EEF2K: variants seen among roughly 807,000 people sequenced by gnomAD.
EEF2K encodes eukaryotic elongation factor 2 kinase, also known as alternative protein EEF2K.
In EEF2K, 70 loss-of-function variants were observed where a neutral mutation model predicts 93.8. The observed-to-expected ratio is 0.75, with a 90% CI of 0.62 to 0.91. The LOEUF is 0.91. EEF2K is among the 40% of genes least tolerant of loss of function. The probability of loss-of-function intolerance (pLI) is 0.00; values close to 1 mark genes in which losing one functional copy is unlikely to be tolerated. For missense variants in EEF2K, 935 were observed against 972.9 expected, an observed-to-expected ratio of 0.96 and a Z score of 0.52; for synonymous variants, 376 against 380.8, an observed-to-expected ratio of 0.99 and a Z score of 0.15.
At chr16:22,211,073 A>G (rs528608704) in intron 1 of EEF2K, among the ~76,000 whole-genome samples, 1 of 152,304 alleles carries the variant, frequency 6.6e-6, no homozygotes, top group Admixed American at 6.5e-5. Context: ...GATGCTGGGA[A>G]ATGTCCGTGG....
Position 22,250,686 on chromosome 16 carries a change from C to G in EEF2K, c.441C>G (p.Phe147Leu), listed in dbSNP as rs1598186863. Residue 147 changes from phenylalanine (F) to leucine (L), a missense_variant, in exon 5 of 18, where the codon TTC becomes TTG. Physicochemically the swap from Phe to Leu is conservative, Grantham distance 22. Coordinates refer to ENST00000263026, the MANE Select transcript of EEF2K (RefSeq NM_013302.5). ...GCCGAGGAGCAATGAGGGAGTGCTT[C>G]CGGACGTAAGTGACTCAGCCTGGCT... ...PFGRGAMREC[F>L]RTKKLSNFLH... 4 of 1,614,192 alleles carry G rather than the reference C, an allele frequency of 2.5e-6. No homozygotes were observed. The East Asian group carries it at 8.9e-5, about 36-fold the overall frequency.
In EEF2K at chr16:22,266,784, G is replaced by A. The variant is rs1233232544; in HGVS notation, c.1672G>A (p.Ala558Thr). Residue 558 changes from alanine to threonine, a missense_variant, in exon 15 of 18, where the codon GCA becomes ACA. By Grantham distance (58) the Ala-to-Thr change is moderately conservative. Transcript: ENST00000263026. ...QESAVFHLEH[A>T]ANLGELEAIV... The stretch of plus-strand genomic sequence containing the variant: ...GTCGGCTGTCTTCCACCTGGAGCAC[G>A]CAGCCAACCTGGGCGAGCTGGAGGC... 4 of 1,614,110 alleles carry A rather than the reference G, an allele frequency of 2.5e-6. No homozygotes were observed. The highest frequency in any genetic ancestry group is 2.2e-5 in the East Asian group (1 of 44,898).
chr16:22,245,817 C>T (rs1469539999), intron 3 of EEF2K, among the ~76,000 whole-genome samples: 1 of 152,156 alleles, frequency 6.6e-6, no homozygotes, highest in South Asian at 2.1e-4. Context: ...TGTACCCTTA[C>T]AACACAGAAT....
In EEF2K at chr16:22,217,356, C is replaced by T. The variant is rs564161596; in HGVS notation, c.-76-8298C>T. ...GTTGTTCACTAGAGTTGAGCAGTAC[C>T]CCACCTATATGATCATATACAGTGG... is the stretch of plus-strand genomic sequence containing the variant. On this transcript the variant is annotated intron_variant, in intron 1 of 17. Coordinates refer to ENST00000263026, the MANE Select transcript of EEF2K (RefSeq NM_013302.5). 7.9e-5 allele frequency among the ~76,000 whole-genome samples: 12 copies of T among 151,782 alleles called. No individual in the cohort carries two copies. The South Asian group carries it at 1.3e-3, about 16-fold the overall frequency.
At chr16:22,216,258 G>A (rs1476987400) in intron 1 of EEF2K, among the ~76,000 whole-genome samples, 22 of 152,188 alleles carry the variant, frequency 1.4e-4, no homozygotes, top group Admixed American at 7.9e-4. Flanking sequence ...ACAGCCTAGC[G>A]CTGTGTAGTT....
Position 22,251,172 on chromosome 16 carries a change from G to T in EEF2K, c.468G>T (p.Leu156Phe). The change falls in exon 6 of 18, where the codon TTG (leucine) becomes TTT (phenylalanine). Residue 156 changes from leucine (L) to phenylalanine (F), a missense_variant. Leu to Phe is a conservative substitution (Grantham distance 22, BLOSUM62 0). Coordinates refer to ENST00000263026, the MANE Select transcript of EEF2K (RefSeq NM_013302.5). ...ACAGGAAGAAGCTCTCCAACTTCTT[G>T]CATGCCCAGCAGTGGAAGGGCGCCT... Reference protein sequence around the residue: ...CFRTKKLSNFLHAQQWKGASN... With the variant: ...CFRTKKLSNFFHAQQWKGASN... 1 of 1,613,988 alleles carries T rather than the reference G, an allele frequency of 6.2e-7. No individual in the cohort carries two copies. Among genetic ancestry groups the T allele is most frequent in the African/African-American group, 1.3e-5 (1 of 75,038 alleles).
At chr16:22,279,986 ACT>A (rs1334858104) in intron 16 of EEF2K, among the ~76,000 whole-genome samples, 2 of 152,102 alleles carry the variant, frequency 1.3e-5, no homozygotes, top group South Asian at 2.1e-4. Context: ...ACAGAGCAAG[ACT>A]CTGTCTCAAA....
In EEF2K at chr16:22,258,359, A is replaced by G. The variant is rs569348602; in HGVS notation, c.1030-135A>G. On this transcript the variant is annotated intron_variant, in intron 9 of 17. Transcript: ENST00000263026. ...GACTGATTTTTTATTTTTTAAGACA[A>G]TATATCAGCTCCTAAACAGGCATGT... 1,694 of 893,648 alleles carry G rather than the reference A, an allele frequency of 1.9e-3. 4 individuals are homozygous for G. The highest frequency in any genetic ancestry group is 2.6e-3 in the Non-Finnish European group (1,565 of 592,810). 55.4% of individuals were successfully genotyped at this position (893,648 alleles called of 1,614,324 possible).
At chr16:22,224,997 G>T (rs947404390) in intron 1 of EEF2K, among the ~76,000 whole-genome samples, 6 of 152,072 alleles carry the variant, frequency 3.9e-5, no homozygotes, top group African/African-American at 1.4e-4. Flanking sequence ...GGAACGGGGT[G>T]ATATGCAAGG....
chr16:22,269,055 T>C (rs2047552296), intron 15 of EEF2K, among the ~76,000 whole-genome samples: 1 of 152,192 alleles, frequency 6.6e-6, no homozygotes. Flanking sequence ...GTTACTTATA[T>C]GTAATTCCAG....
At chr16:22,231,522 A>G (rs2047115076) in intron 2 of EEF2K, among the ~76,000 whole-genome samples, 1 of 152,170 alleles carries the variant, frequency 6.6e-6, no homozygotes. Flanking sequence ...AGTTCTCTCT[A>G]TGGGAGAGGT....
intron 1 of EEF2K, among the ~76,000 whole-genome samples, chr16:22,206,985 C>G (rs1229716542): frequency 6.6e-6 from 1 of 152,154 alleles, no homozygotes; most frequent in Non-Finnish European, 1.5e-5. Flanking sequence ...GGCCTCCCCC[C>G]TCGGGGCCCC....
chr16:22,217,314 C>T (rs2046967812), intron 1 of EEF2K, among the ~76,000 whole-genome samples: 2 of 151,818 alleles, frequency 1.3e-5, no homozygotes, highest in Admixed American at 6.6e-5. Context: ...TAGGGCTGCC[C>T]GTGCAAAGTT....
At chr16:22,235,798 A>G (rs2047162188) in intron 2 of EEF2K, among the ~76,000 whole-genome samples, 1 of 148,778 alleles carries the variant, frequency 6.7e-6, no homozygotes, top group Non-Finnish European at 1.5e-5. Context: ...GCGTCTGGCC[A>G]GTTTGTTTGT....
intron 15 of EEF2K, among the ~76,000 whole-genome samples, chr16:22,269,749 C>T (rs2047558279): frequency 6.6e-6 from 1 of 152,116 alleles, no homozygotes; most frequent in Non-Finnish European, 1.5e-5. Context: ...AATCAGATCA[C>T]ATTCTGCATG....
chr16:22,215,665 C>G (rs1354765002), intron 1 of EEF2K, among the ~76,000 whole-genome samples: 6 of 152,180 alleles, frequency 3.9e-5, no homozygotes, highest in Non-Finnish European at 8.8e-5. Flanking sequence ...TGACTCACAC[C>G]TATAATCCCA....
In EEF2K at chr16:22,284,724, C is replaced by G. The variant is rs1022934573; in HGVS notation, c.*728C>G. 1 of 151,910 alleles carries G rather than the reference C, an allele frequency of 6.6e-6. No homozygotes were observed. The highest frequency in any genetic ancestry group is 6.6e-5 in the Admixed American group (1 of 15,234). The allele number at this position is 151,910 out of a possible 1,614,324, so 9.4% of individuals were successfully genotyped here. ...GGACTGAAATGTCGGGCCCATGGAGCCCTGTGTTTTGTGCATCGGGATGAG... is the reference window on the plus strand; with the variant it reads ...GGACTGAAATGTCGGGCCCATGGAGGCCTGTGTTTTGTGCATCGGGATGAG... On this transcript the variant is annotated 3_prime_UTR_variant, in exon 18 of 18. Coordinates refer to ENST00000263026, the MANE Select transcript of EEF2K (RefSeq NM_013302.5).
At position 22,277,191 on chromosome 16, in the gene EEF2K, C is replaced by T. The variant is rs115435244; in HGVS notation, c.1890-3007C>T. On this transcript the variant is annotated intron_variant, in intron 16 of 17. Coordinates refer to ENST00000263026, the MANE Select transcript of EEF2K (RefSeq NM_013302.5). ...TTGCTCTGTCACCCAGGCTAGAGTGCGATGGTGTAATCATAGCTCACTGTA... is the reference window on the plus strand; with the variant it reads ...TTGCTCTGTCACCCAGGCTAGAGTGTGATGGTGTAATCATAGCTCACTGTA... 9.5e-3 allele frequency among the ~76,000 whole-genome samples: 1,448 copies of T among 152,294 alleles called. 25 individuals carry two copies. Among genetic ancestry groups the T allele is most frequent in the African/African-American group, 0.033 (1,358 of 41,562 alleles).
chr16:22,274,697 TCCTGGGCTCAAGCAGTC>T (rs1415463632), intron 16 of EEF2K, among the ~76,000 whole-genome samples: 2 of 152,084 alleles, frequency 1.3e-5, no homozygotes, highest in South Asian at 4.1e-4. Context: ...AGCCTCTACC[TCCTGGGCTCAAGCAGTC>T]CTCCCGCCTC....
Sources: gnomAD v4.1 joint callset for allele counts (sites outside exome capture counted in the v4.1 genomes callset) on GRCh38, gnomAD v4.1.1 for gene constraint, MANE v1.5 for transcripts, NCBI Gene and HGNC (gene_info 2026-07-23, HGNC 2026-07-21) for gene names.